The following PUM2 variants were observed in gnomAD, a reference collection of about 807,000 sequenced individuals.
The protein encoded by PUM2 is pumilio homolog 2.
In PUM2, 57 loss-of-function variants were observed where a neutral mutation model predicts 124.5. That is an observed-to-expected ratio of 0.46 (90% CI 0.37 to 0.57). The LOEUF is 0.57. Ranked by LOEUF, PUM2 falls within the 20% of genes least tolerant of loss-of-function variation. The pLI is 0.00. For missense variants in PUM2, 1,065 were observed against 1,290.6 expected (o/e 0.83, Z 2.68); for synonymous variants, 460 against 446.1 (o/e 1.03, Z -0.39).
intron 14 of PUM2, among the ~76,000 whole-genome samples, chr2:20,261,928 C>T (rs1166285698): frequency 6.6e-6 from 1 of 151,932 alleles, no homozygotes; most frequent in Non-Finnish European, 1.5e-5. Context: ...CCTGTCTCTA[C>T]AAAAAAATTT....
intron 8 of PUM2, among the ~76,000 whole-genome samples, chr2:20,295,178 T>C (rs537027062): frequency 1.3e-5 from 2 of 151,978 alleles, no homozygotes; most frequent in African/African-American, 4.8e-5. Context: ...ACTAGGAAAA[T>C]AAGAATAAAT....
intron 2 of PUM2, chr2:20,326,296 G>A: frequency 7.7e-7 from 1 of 1,303,786 alleles, no homozygotes; most frequent in Non-Finnish European, 1.0e-6. Context: ...CATACTCTTT[G>A]GAAAACGCTG....
intron 7 of PUM2, 100 bp downstream of exon 7, chr2:20,307,878 T>G: frequency 1.4e-6 from 2 of 1,450,666 alleles, no homozygotes; most frequent in Non-Finnish European, 1.9e-6. Flanking sequence ...CTCAGATGTT[T>G]CAAAAAGTAA....
At chr2:20,302,630 A>G (rs1193459570) in intron 7 of PUM2, among the ~76,000 whole-genome samples, 2 of 152,152 alleles carry the variant, frequency 1.3e-5, no homozygotes, top group African/African-American at 2.4e-5. Context: ...TCAATGATCT[A>G]CTCATACATT....
chr2:20,350,412 CT>C, intron 1 of PUM2, 184 bp downstream of exon 1: 1 of 914,938 alleles, frequency 1.1e-6, no homozygotes, highest in Non-Finnish European at 1.3e-6. Context: ...CGCACACCCC[CT>C]TCCGGCACCC....
chr2:20,255,232 G>C lies in PUM2; in HGVS notation c.2732C>G (p.Thr911Arg). 6.3e-7 allele frequency: 1 copy of C among 1,599,966 alleles called. No individual in the cohort carries two copies. Among genetic ancestry groups the C allele is most frequent in the Non-Finnish European group, 8.6e-7 (1 of 1,167,436 alleles). The change falls in exon 18 of 21, where the codon ACA becomes AGA. Residue 911 changes from threonine to arginine, a missense_variant. Physicochemically the swap from Thr to Arg is moderately conservative, Grantham distance 71. This residue lies in a region of PUM2 where 968 missense variants were observed against 1,159.8 expected (regional missense o/e 0.83). Coordinates refer to ENST00000361078, the MANE Select transcript of PUM2 (RefSeq NM_015317.5). ...AATTTATACCTGTACCAACTGCTCTGTATGTTGGTGGAGTTCTTCTAAGAT... is the reference window on the plus strand; with the variant it reads ...AATTTATACCTGTACCAACTGCTCTCTATGTTGGTGGAGTTCTTCTAAGAT... ...LPILEELHQH[T>R]EQLVQDQYGN... is the part of the protein sequence containing the mutation.
Position 20,269,765 on chromosome 2 carries a change from T to C in PUM2, c.1958-6305A>G, listed in dbSNP as rs112235758. Among the ~76,000 whole-genome samples the C allele has an allele frequency of 1.5e-3, 225 of 152,348 alleles. No individual in the cohort carries two copies. The East Asian group carries it at 0.019, about 13-fold the overall frequency. On this transcript the variant is annotated intron_variant, in intron 13 of 20. Transcript: ENST00000361078. ...ATCTGTTGTTTCCGTTTCTATTGCT[T>C]GTGATTCTTTTCTATCAGCAATTTT...
chr2:20,302,023 G>C (rs1008238460), intron 7 of PUM2, among the ~76,000 whole-genome samples: 2 of 151,980 alleles, frequency 1.3e-5, no homozygotes, highest in African/African-American at 4.8e-5. Flanking sequence ...TAGATACACA[G>C]GTCTGTACAT....
rs540817312 is a variant in PUM2, at chr2:20,251,681, T to C, written c.3099A>G (p.Thr1033=). The C allele has an allele frequency of 4.0e-5, 65 of 1,613,676 alleles. No homozygotes were observed. Among genetic ancestry groups the C allele is most frequent in the Admixed American group, 3.3e-4 (20 of 60,022 alleles). ...RPHITTLRKY[T]YGKHILAKLE... Reference sequence around the variant, plus strand: ...ACTTGGCCAGTATATGCTTCCCGTATGTGTATTTGCGCAAAGTAGTAATGT... The same window carrying C: ...ACTTGGCCAGTATATGCTTCCCGTACGTGTATTTGCGCAAAGTAGTAATGT... Residue 1033 remains threonine, a synonymous_variant, in exon 21 of 21, where the codon ACA becomes ACG. Transcript: ENST00000361078.
chr2:20,350,720 A>G lies in PUM2; in HGVS notation c.-142T>C, dbSNP rs1161664487. The stretch of plus-strand genomic sequence containing the variant: ...GCGGCAATGTCTTCTTTCTCCACCT[A>G]CCACCCTCCCCCCCCACCCCACCTC... On this transcript the variant is annotated 5_prime_UTR_variant, in exon 1 of 21. Transcript: ENST00000361078. 2.2e-6 allele frequency: 2 copies of G among 890,158 alleles called. No individual in the cohort carries two copies. Among genetic ancestry groups the G allele is most frequent in the African/African-American group, 4.5e-5 (2 of 43,984 alleles). The allele number at this position is 890,158 out of a possible 1,614,324, so 55.1% of individuals were successfully genotyped here. A position where few individuals can be genotyped will look rare whatever the true frequency, so the allele number is the denominator to read the frequency against.
At chr2:20,255,927 T>C (rs1458445311) in intron 17 of PUM2, 106 bp downstream of exon 17, 3 of 1,131,400 alleles carry the variant, frequency 2.7e-6, no homozygotes, top group Non-Finnish European at 3.6e-6. Context: ...CCTATTTTTG[T>C]ATACAATTGC....
Position 20,311,681 on chromosome 2 carries a change from G to GT in PUM2, c.349-19dup. On this transcript the variant is annotated intron_variant, in intron 4 of 20. Coordinates refer to ENST00000361078, the MANE Select transcript of PUM2 (RefSeq NM_015317.5). ...CTAGTGCCCTGAGGAAAAAGAATCT[G>GT]TTTGATTCTGAATATTTAATAGAAC... The GT allele has an allele frequency of 6.2e-7, 1 of 1,603,928 alleles. No individual in the cohort carries two copies. The highest frequency in any genetic ancestry group is 1.1e-5 in the South Asian group (1 of 88,826).
chr2:20,287,107 C>T lies in PUM2; in HGVS notation c.1291+3545G>A, dbSNP rs369736063. On this transcript the variant is annotated intron_variant, in intron 10 of 20. Transcript: ENST00000361078. ...ATGCAATCTAGCACAGGAGGAAACACACCCCTTCTTAATTCTAAAATGCCA... is the reference window on the plus strand; with the variant it reads ...ATGCAATCTAGCACAGGAGGAAACATACCCCTTCTTAATTCTAAAATGCCA... Among the ~76,000 whole-genome samples, 43 of 152,308 alleles carry T rather than the reference C, an allele frequency of 2.8e-4. No homozygotes were observed. In the East Asian group the frequency reaches 2.9e-3, roughly 10 times the overall value.
chr2:20,337,838 A>G (rs1686439253), intron 1 of PUM2, among the ~76,000 whole-genome samples: 1 of 152,150 alleles, frequency 6.6e-6, no homozygotes, highest in Non-Finnish European at 1.5e-5. Flanking sequence ...ACCTTCCCCC[A>G]AAGAGAATAA....
At chr2:20,292,272 C>A (rs1463369693) in intron 9 of PUM2, among the ~76,000 whole-genome samples, 4 of 151,280 alleles carry the variant, frequency 2.6e-5, no homozygotes, top group Admixed American at 2.0e-4. Flanking sequence ...TTAGCGCCGT[C>A]AGGCCCATGG....
chr2:20,283,543 G>A lies in PUM2; in HGVS notation c.1292-57C>T, dbSNP rs867472877. The A allele has an allele frequency of 1.7e-5, 26 of 1,515,620 alleles. 1 individual carries two copies. In the Middle Eastern group the frequency reaches 3.8e-3, roughly 224 times the overall value. The allele number at this position is 1,515,620 out of a possible 1,614,324, so 93.9% of individuals were successfully genotyped here. A position where few individuals can be genotyped will look rare whatever the true frequency, so the allele number is the denominator to read the frequency against. On this transcript the variant is annotated intron_variant, in intron 10 of 20. Transcript: ENST00000361078. ...ACTTATTACAAAAACATGCATATTT[G>A]TTTTTCCCTGCATTTGTATTTTTTC... is the stretch of plus-strand genomic sequence containing the variant.
intron 10 of PUM2, among the ~76,000 whole-genome samples, chr2:20,284,316 G>A (rs1050376329): frequency 6.6e-6 from 1 of 152,070 alleles, no homozygotes; most frequent in African/African-American, 2.4e-5. Flanking sequence ...AAAAACTGAG[G>A]CCCAATAACC....
rs187277948 is a variant in PUM2 at position 20,251,481 on chromosome 2, A to T, written c.*104T>A. On this transcript the variant is annotated 3_prime_UTR_variant, in exon 21 of 21. Coordinates refer to ENST00000361078, the MANE Select transcript of PUM2 (RefSeq NM_015317.5). The stretch of plus-strand genomic sequence containing the variant: ...TAAAGTCAATAAATAGTTTTGCTTT[A>T]AAAAAAAATTGAAGATTCATAGTTG... 621 of 1,276,624 alleles carry T rather than the reference A, an allele frequency of 4.9e-4. 2 individuals carry two copies. The highest frequency in any genetic ancestry group is 1.5e-3 in the Admixed American group (61 of 40,888). The allele number at this position is 1,276,624 out of a possible 1,614,324, so 79.1% of individuals were successfully genotyped here. A position where few individuals can be genotyped will look rare whatever the true frequency, so the allele number is the denominator to read the frequency against.
intron 1 of PUM2, among the ~76,000 whole-genome samples, chr2:20,338,096 T>C (rs1243447274): frequency 1.3e-5 from 2 of 152,138 alleles, no homozygotes; most frequent in Admixed American, 6.6e-5. Context: ...CTCAAGCTAA[T>C]GCCAATTACG....
Sources: allele counts gnomAD v4.1 joint callset (sites outside exome capture counted in the v4.1 genomes callset), GRCh38; gene constraint gnomAD v4.1.1; regional missense constraint gnomAD v4.1.1; transcripts MANE v1.5; gene names NCBI Gene and HGNC (gene_info 2026-07-23, HGNC 2026-07-21).